NAMPT: variants seen among roughly 807,000 people sequenced by gnomAD.
The protein encoded by NAMPT is nicotinamide phosphoribosyltransferase, also known as NAmPRTase.
NAMPT carries 7 observed loss-of-function variants against 58.7 expected under a neutral mutation model. The observed-to-expected ratio is 0.12, with a 90% CI of 0.07 to 0.22. The LOEUF (loss-of-function observed/expected upper bound fraction) is 0.22, where lower values mean the gene tolerates loss of function less well. Ranked by LOEUF, NAMPT falls within the 10% of genes least tolerant of loss-of-function variation. The pLI is 1.00. For synonymous variants in NAMPT, 145 were observed against 198.1 expected (o/e 0.73, Z 2.25); for missense variants, 271 against 567.9 (o/e 0.48, Z 5.31).
At chr7:106,267,858 AAAAAAAAAAAAAAAAAAAC>A (rs1792451692) in intron 6 of NAMPT, among the ~76,000 whole-genome samples, 1 of 134,374 alleles carries the variant, frequency 7.4e-6, no homozygotes, top group African/African-American at 2.7e-5. Flanking sequence ...AAAAAAAAAA[AAAAAAAAAAAAAAAAAAAC>A]AACCTGATTT....
intron 8 of NAMPT, among the ~76,000 whole-genome samples, chr7:106,259,655 T>A (rs577668050): frequency 6.6e-6 from 1 of 152,078 alleles, no homozygotes; most frequent in South Asian, 2.1e-4. Context: ...GATCTCCTGA[T>A]TGCGTGATCT....
At position 106,282,995 on chromosome 7, in the gene NAMPT, G is replaced by A. The variant is rs527406729; in HGVS notation, c.57+1833C>T. Among the ~76,000 whole-genome samples the A allele has an allele frequency of 2.5e-4, 38 of 152,204 alleles. No homozygotes were observed. The South Asian group carries it at 7.0e-3, about 28-fold the overall frequency. ...TATAAGGACCCCTAAAAACATAAGG[G>A]AAATGAAACCTAAGACTTAAATGTG... On this transcript the variant is annotated intron_variant, in intron 1 of 10. Transcript: ENST00000222553.
At chr7:106,282,970 TATA>T (rs1792794903) in intron 1 of NAMPT, among the ~76,000 whole-genome samples, 1 of 152,202 alleles carries the variant, frequency 6.6e-6, no homozygotes. Context: ...TAAAATAGGT[TATA>T]AGGACCCCTA....
At chr7:106,252,705 A>G (rs1792124203) in intron 10 of NAMPT, among the ~76,000 whole-genome samples, 1 of 152,124 alleles carries the variant, frequency 6.6e-6, no homozygotes, top group Non-Finnish European at 1.5e-5. Flanking sequence ...ATGTAATCCA[A>G]ATCAAGTCAC....
Position 106,268,664 on chromosome 7 carries a change from T to C in NAMPT, c.607-64A>G, listed in dbSNP as rs568608942. ...GAAACCCACATTAATAATACCAGGA[T>C]GCAGCCAACCACATTTAAGGAATAT... On this transcript the variant is annotated intron_variant, in intron 5 of 10. Transcript: ENST00000222553. 6.1e-6 allele frequency: 7 copies of C among 1,145,200 alleles called. No individual in the cohort carries two copies. The East Asian group carries it at 1.6e-4, about 27-fold the overall frequency. 70.9% of individuals were successfully genotyped at this position (1,145,200 alleles called of 1,614,324 possible). A position where few individuals can be genotyped will look rare whatever the true frequency, so the allele number is the denominator to read the frequency against.
intron 6 of NAMPT, among the ~76,000 whole-genome samples, chr7:106,267,029 G>A (rs1008118349): frequency 1.6e-4 from 25 of 152,050 alleles, no homozygotes; most frequent in South Asian, 4.1e-4. Flanking sequence ...TCATTCTTGT[G>A]CTTTCATCAC....
chr7:106,284,945 GA>G lies in NAMPT; in HGVS notation c.-62del. Reference sequence around the variant, plus strand: ...TCCCTGGCGCGGCTGCGAGGAAGGAGAAAAATGAGCTTCACCGCGCTCCGTT... The same window carrying G: ...TCCCTGGCGCGGCTGCGAGGAAGGAGAAAATGAGCTTCACCGCGCTCCGTT... On this transcript the variant is annotated 5_prime_UTR_variant, in exon 1 of 11. Transcript: ENST00000222553. 2 of 1,550,992 alleles carry G rather than the reference GA, an allele frequency of 1.3e-6. No individual in the cohort carries two copies. The highest frequency in any genetic ancestry group is 2.4e-5 in the East Asian group (1 of 41,462).
chr7:106,251,289 G>T lies in NAMPT; in HGVS notation c.1366-96C>A, dbSNP rs1792099603. On this transcript the variant is annotated intron_variant, in intron 10 of 10. Transcript: ENST00000222553. ...TAGACTAACCAACCAGTCAAATACA[G>T]AGATGCCAATGGTGTTCAAATTGTG... The T allele has an allele frequency of 6.5e-6, 5 of 772,892 alleles. No homozygotes were observed. In the South Asian group the frequency reaches 7.4e-5, roughly 11 times the overall value. 47.9% of individuals were successfully genotyped at this position (772,892 alleles called of 1,614,324 possible). A position where few individuals can be genotyped will look rare whatever the true frequency, so the allele number is the denominator to read the frequency against.
intron 4 of NAMPT, chr7:106,272,288 T>G (rs949252836): frequency 1.2e-5 from 4 of 329,420 alleles, no homozygotes; most frequent in African/African-American, 8.8e-5. Flanking sequence ...CCAACTAGGT[T>G]TTAAAAACAA....
intron 1 of NAMPT, among the ~76,000 whole-genome samples, chr7:106,282,836 C>G (rs1157471661): frequency 6.6e-6 from 1 of 152,158 alleles, no homozygotes; most frequent in African/African-American, 2.4e-5. Context: ...CAACTTTGGC[C>G]AATAGTTTGT....
rs2302559 is a variant in NAMPT, at chr7:106,263,458, T to C, written c.903A>G (p.Ser301=). Residue 301 remains serine (S), a synonymous_variant, in exon 7 of 11, where the codon TCA becomes TCG. Coordinates refer to ENST00000222553, the MANE Select transcript of NAMPT (RefSeq NM_005746.3). The stretch of plus-strand genomic sequence containing the variant: ...TTATTAGTGGTGCCTGTGTACTTCT[T>C]GATACTATTAAATGTCTTAGATCTT... The part of the protein sequence containing the change: ...WGEDLRHLIV[S]RSTQAPLIIR... 1,012,276 of 1,559,824 alleles carry C rather than the reference T, an allele frequency of 0.65. 335,624 individuals are homozygous for C. The highest frequency in any genetic ancestry group is 0.91 in the East Asian group (40,524 of 44,606).
At chr7:106,254,309 C>G in intron 9 of NAMPT, 55 bp downstream of exon 9, 1 of 1,592,306 alleles carries the variant, frequency 6.3e-7, no homozygotes, top group Non-Finnish European at 8.6e-7. Context: ...TAACCACATT[C>G]TACCTAGATA....
At position 106,256,355 on chromosome 7, in the gene NAMPT, G is replaced by C. The variant is rs558544717; in HGVS notation, c.1090-1851C>G. ...GTCAACCTCATGGGAATTCACAGGG[G>C]TGACAGGCTGAATAGCAAAGTCCAA... On this transcript the variant is annotated intron_variant, in intron 8 of 10. Transcript: ENST00000222553. Among the ~76,000 whole-genome samples the C allele has an allele frequency of 1.5e-4, 23 of 152,340 alleles. No homozygotes were observed. In the East Asian group the frequency reaches 4.4e-3, roughly 29 times the overall value.
intron 1 of NAMPT, among the ~76,000 whole-genome samples, chr7:106,283,530 A>G (rs1185078770): frequency 6.6e-6 from 1 of 152,236 alleles, no homozygotes; most frequent in Non-Finnish European, 1.5e-5. Flanking sequence ...TCACTATTTA[A>G]AATTTTGAAA....
intron 10 of NAMPT, 55 bp from the exon 11 acceptor site, chr7:106,251,248 T>C: frequency 8.5e-7 from 1 of 1,173,094 alleles, no homozygotes; most frequent in Non-Finnish European, 1.3e-6. Context: ...AATACCTGAA[T>C]CCTGGTTTGA....
Position 106,248,541 on chromosome 7 carries a change from T to C in NAMPT, c.*2542A>G, listed in dbSNP as rs1216015339. 6.6e-6 allele frequency: 1 copy of C among 152,250 alleles called. No homozygotes were observed. Among genetic ancestry groups the C allele is most frequent in the Non-Finnish European group, 1.5e-5 (1 of 67,948 alleles). The allele number at this position is 152,250 out of a possible 1,614,324, so 9.4% of individuals were successfully genotyped here. On this transcript the variant is annotated 3_prime_UTR_variant, in exon 11 of 11. Coordinates refer to ENST00000222553, the MANE Select transcript of NAMPT (RefSeq NM_005746.3). ...AGATAGATTTCATTATAAAAATTGT[T>C]TGATAACAATTTAAGAAGGGAAAAC...
upstream of NAMPT, chr7:106,285,247 T>G: frequency 5.5e-6 from 5 of 902,340 alleles, no homozygotes; most frequent in Non-Finnish European, 6.8e-6. Flanking sequence ...GCACGCGCTC[T>G]TCCTCCCAGA....
At chr7:106,285,446 C>T (rs986270226), upstream of NAMPT, 2 of 745,780 alleles carry the variant, frequency 2.7e-6, no homozygotes, top group Non-Finnish European at 3.3e-6. Flanking sequence ...CAGTCCTGGC[C>T]GGTTTTCTGG....
intron 8 of NAMPT, among the ~76,000 whole-genome samples, chr7:106,257,807 A>G (rs971245613): frequency 6.6e-6 from 1 of 152,214 alleles, no homozygotes; most frequent in Non-Finnish European, 1.5e-5. Context: ...TGGAACAAGG[A>G]AAGGTAGGCA....
Sources: gnomAD v4.1 joint callset for allele counts (sites outside exome capture counted in the v4.1 genomes callset) on GRCh38, gnomAD v4.1.1 for gene constraint, MANE v1.5 for transcripts, NCBI Gene and HGNC (gene_info 2026-07-23, HGNC 2026-07-21) for gene names.